Variants in DAB1 observed in about 807,000 individuals in gnomAD.
The protein encoded by DAB1 is disabled homolog 1.
DAB1 carries 15 observed loss-of-function variants against 64.6 expected under a neutral mutation model. The ratio of observed to expected loss-of-function variants is 0.23; its 90% CI spans 0.16 to 0.36. The LOEUF (loss-of-function observed/expected upper bound fraction) is 0.36, where lower values mean the gene tolerates loss of function less well. Among genes scored for constraint, DAB1 ranks in the 10% least tolerant of loss-of-function variants. The pLI is 1.00. For missense variants in DAB1, 596 were observed against 706.7 expected (o/e 0.84, Z 1.78); for synonymous variants, 235 against 251.9 (o/e 0.93, Z 0.64).
intron 7 of DAB1, among the ~76,000 whole-genome samples, chr1:57,614,310 C>G (rs901525946): frequency 1.3e-5 from 2 of 152,224 alleles, no homozygotes; most frequent in African/African-American, 2.4e-5. Flanking sequence ...AACACAACAT[C>G]TATGAACAGA....
intron 6 of DAB1, among the ~76,000 whole-genome samples, chr1:57,701,010 T>C (rs1490336625): frequency 1.3e-5 from 2 of 152,048 alleles, no homozygotes; most frequent in Non-Finnish European, 2.9e-5. Context: ...TGAGATACCA[T>C]CTCACACCAG....
At chr1:57,483,207 T>C (rs1644046339) in intron 7 of DAB1, among the ~76,000 whole-genome samples, 1 of 152,218 alleles carries the variant, frequency 6.6e-6, no homozygotes, top group African/African-American at 2.4e-5. Context: ...TGAAAAAGAA[T>C]AGTTAATTTA....
intron 9 of DAB1, 82 bp downstream of exon 9, chr1:57,062,801 AG>A: frequency 8.7e-7 from 1 of 1,145,882 alleles, no homozygotes; most frequent in South Asian, 1.3e-5. Flanking sequence ...TTCCAGGAGA[AG>A]GGTTTCCTTC....
At chr1:57,867,866 C>T (rs1232938884) in intron 1 of DAB1, among the ~76,000 whole-genome samples, 1 of 152,164 alleles carries the variant, frequency 6.6e-6, no homozygotes, top group Non-Finnish European at 1.5e-5. Flanking sequence ...GAAGTCTCCT[C>T]ACAGCCACAA....
intron 1 of DAB1, among the ~76,000 whole-genome samples, chr1:57,353,143 A>ACG (rs763949121): frequency 3.3e-5 from 5 of 151,022 alleles, no homozygotes; most frequent in Non-Finnish European, 5.9e-5. Context: ...ACACACACAC[A>ACG]CACACACATC....
chr1:57,336,051 CCGGCA>C (rs1286534840), intron 1 of DAB1, among the ~76,000 whole-genome samples: 2 of 152,202 alleles, frequency 1.3e-5, no homozygotes, highest in Non-Finnish European at 2.9e-5. Context: ...TGGCAGGCAG[CCGGCA>C]TGGCATTAAC....
chr1:57,754,373 T>C (rs1648693864), intron 6 of DAB1, among the ~76,000 whole-genome samples: 1 of 152,136 alleles, frequency 6.6e-6, no homozygotes, highest in Non-Finnish European at 1.5e-5. Context: ...TTTTATTTAA[T>C]TGAATTTTGT....
At chr1:58,167,593 C>T (rs919578093) in intron 4 of DAB1, among the ~76,000 whole-genome samples, 12 of 152,234 alleles carry the variant, frequency 7.9e-5, no homozygotes, top group East Asian at 3.9e-4. Context: ...TCCCCTTCCA[C>T]GCTATGGAAG....
chr1:58,500,108 C>A (rs971182950), intron 3 of DAB1, among the ~76,000 whole-genome samples: 1 of 152,108 alleles, frequency 6.6e-6, no homozygotes, highest in Non-Finnish European at 1.5e-5. Context: ...TCATTACTTT[C>A]CCCTTTCCCC....
chr1:57,763,338 TG>T (rs1316616833), intron 6 of DAB1, among the ~76,000 whole-genome samples: 1 of 152,148 alleles, frequency 6.6e-6, no homozygotes, highest in Non-Finnish European at 1.5e-5. Flanking sequence ...GAATCAAACC[TG>T]TTTAGCAAAG....
intron 3 of DAB1, among the ~76,000 whole-genome samples, chr1:57,143,077 A>G (rs571770439): frequency 6.6e-6 from 1 of 152,284 alleles, no homozygotes; most frequent in South Asian, 2.1e-4. Context: ...AGCTGAACAT[A>G]CAAAGATCAG....
In DAB1 at chr1:57,785,902, G is replaced by GCAT. The variant is rs554996858; in HGVS notation, n.551+98094_551+98096dup. Among the ~76,000 whole-genome samples the GCAT allele has an allele frequency of 2.5e-3, 375 of 152,292 alleles. 1 individual carries two copies. The highest frequency in any genetic ancestry group is 6.4e-3 in the Admixed American group (98 of 15,296). On this transcript the variant is annotated intron_variant and non_coding_transcript_variant, in intron 6 of 20. Transcript: ENST00000485760. The stretch of plus-strand genomic sequence containing the variant: ...TCTGCGGATAAAATGCTATCAAACA[G>GCAT]CATCACATGTATAGAAAAATCTTTC...
chr1:58,489,880 T>C (rs1481077175), intron 3 of DAB1, among the ~76,000 whole-genome samples: 1 of 152,006 alleles, frequency 6.6e-6, no homozygotes, highest in East Asian at 1.9e-4. Context: ...CAGCTGAGGG[T>C]CCTGACTGTT....
chr1:57,715,177 C>A (rs149917805), intron 6 of DAB1, among the ~76,000 whole-genome samples: 4 of 152,108 alleles, frequency 2.6e-5, no homozygotes, highest in Non-Finnish European at 5.9e-5. Context: ...AGGACAAAAA[C>A]CATATGATTA....
intron 5 of DAB1, among the ~76,000 whole-genome samples, chr1:58,082,136 C>G (rs1333233972): frequency 6.6e-6 from 1 of 152,174 alleles, no homozygotes; most frequent in Non-Finnish European, 1.5e-5. Flanking sequence ...AACCAGAGTC[C>G]AGGCCTCCTG....
At chr1:58,341,639 G>A (rs1643935575) in intron 4 of DAB1, among the ~76,000 whole-genome samples, 1 of 152,178 alleles carries the variant, frequency 6.6e-6, no homozygotes, top group Non-Finnish European at 1.5e-5. Flanking sequence ...AACCCAGGTA[G>A]TCTGACTCGA....
At chr1:57,735,622 T>G (rs1400449521) in intron 6 of DAB1, among the ~76,000 whole-genome samples, 13 of 134,236 alleles carry the variant, frequency 9.7e-5, no homozygotes, top group Non-Finnish European at 1.7e-4. Flanking sequence ...TTTTTTTTTT[T>G]TTTTTTTTTT....
chr1:57,446,547 G>T lies in DAB1; in HGVS notation n.626-155381C>A, dbSNP rs1334522037. ...TGGGAGGTGGAGGTTGCAGTGAGCC[G>T]AGATCGCGCCATTGCACTCCAGCCT... On this transcript the variant is annotated intron_variant and non_coding_transcript_variant, in intron 7 of 20. Coordinates refer to the DAB1 transcript ENST00000485760. 4.7e-4 allele frequency among the ~76,000 whole-genome samples: 69 copies of T among 146,606 alleles called. 1 individual carries two copies. In the Admixed American group the frequency reaches 4.9e-3, roughly 10 times the overall value.
intron 5 of DAB1, among the ~76,000 whole-genome samples, chr1:57,927,756 T>C (rs750490465): frequency 6.6e-5 from 10 of 152,206 alleles, no homozygotes; most frequent in Non-Finnish European, 1.0e-4. Flanking sequence ...GCTTCCAATA[T>C]GACCATTATA....
Sources: gnomAD v4.1 joint callset for allele counts (sites outside exome capture counted in the v4.1 genomes callset) on GRCh38, gnomAD v4.1.1 for gene constraint, MANE v1.5 for transcripts, NCBI Gene and HGNC (gene_info 2026-07-23, HGNC 2026-07-21) for gene names.